SYT9: variants seen among roughly 807,000 people sequenced by gnomAD.
SYT9 encodes synaptotagmin 9, also known as synaptotagmin-9.
A neutral mutation model predicts 48.4 loss-of-function variants in SYT9; 22 were observed. The ratio of observed to expected loss-of-function variants is 0.45; its 90% CI spans 0.32 to 0.65. The LOEUF (loss-of-function observed/expected upper bound fraction) is 0.65, where lower values mean the gene tolerates loss of function less well. Among genes scored for constraint, SYT9 ranks in the 30% least tolerant of loss-of-function variants. SYT9 has a pLI of 0.03. For synonymous variants in SYT9, 265 were observed against 245.0 expected (o/e 1.08, Z -0.76); for missense variants, 577 against 622.0 (o/e 0.93, Z 0.77).
chr11:7,334,634 C>CTCGCTGCCACCCATCCCCACAA (rs760477407), intron 3 of SYT9, among the ~76,000 whole-genome samples: 3 of 139,936 alleles, frequency 2.1e-5, no homozygotes, highest in Non-Finnish European at 4.7e-5. Context: ...CCTGCCTCCA[C>CTCGCTGCCACCCATCCCCACAA]TCCCTGCCAC....
chr11:7,440,936 T>C (rs1240528196), intron 6 of SYT9: 2 of 152,176 alleles, frequency 1.3e-5, no homozygotes, highest in African/African-American at 4.8e-5. Flanking sequence ...TTGCTATGAA[T>C]GACATCCAGT....
chr11:7,313,973 G>A, intron 3 of SYT9, 32 bp downstream of exon 3: 1 of 1,586,754 alleles, frequency 6.3e-7, no homozygotes, highest in Non-Finnish European at 8.5e-7. Context: ...TTTTGTGGTG[G>A]GGGGCATCTT....
chr11:7,426,324 C>G (rs532974362), intron 6 of SYT9, among the ~76,000 whole-genome samples: 2 of 152,208 alleles, frequency 1.3e-5, no homozygotes, highest in South Asian at 4.1e-4. Flanking sequence ...ACTTGGCCAC[C>G]TTGAGGCTGA....
intron 6 of SYT9, among the ~76,000 whole-genome samples, chr11:7,442,946 T>C (rs1446179907): frequency 1.3e-5 from 2 of 151,620 alleles, no homozygotes; most frequent in African/African-American, 4.9e-5. Context: ...CTTCCAGGAG[T>C]ACACAGTCTA....
intron 3 of SYT9, among the ~76,000 whole-genome samples, chr11:7,399,653 T>A (rs1846841097): frequency 6.6e-6 from 1 of 152,228 alleles, no homozygotes; most frequent in East Asian, 1.9e-4. Flanking sequence ...ACTGTTTTGG[T>A]GTTATTGCCC....
At chr11:7,258,960 T>C (rs995992221) in intron 1 of SYT9, among the ~76,000 whole-genome samples, 1 of 152,096 alleles carries the variant, frequency 6.6e-6, no homozygotes, top group Non-Finnish European at 1.5e-5. Flanking sequence ...TTCTCATCAG[T>C]AAAATGTATT....
At position 7,324,562 on chromosome 11, in the gene SYT9, T is replaced by A. The variant is rs149683044; in HGVS notation, c.1044+10621T>A. Among the ~76,000 whole-genome samples the A allele has an allele frequency of 7.4e-3, 1,122 of 152,106 alleles. 16 individuals are homozygous for A. Among genetic ancestry groups the A allele is most frequent in the African/African-American group, 0.025 (1,033 of 41,566 alleles). ...ATTTCCCTTGAAGTAGTGCTTTAGCTTTATGTTTGCAAATTTTGATATTTA... is the reference window on the plus strand; with the variant it reads ...ATTTCCCTTGAAGTAGTGCTTTAGCATTATGTTTGCAAATTTTGATATTTA... On this transcript the variant is annotated intron_variant, in intron 3 of 6. Transcript: ENST00000318881.
chr11:7,465,413 C>CTAT (rs1435870228), intron 6 of SYT9, among the ~76,000 whole-genome samples: 2 of 152,216 alleles, frequency 1.3e-5, no homozygotes, highest in Non-Finnish European at 2.9e-5. Context: ...GGTTGCTACT[C>CTAT]TTTTATAGTT....
intron 6 of SYT9, among the ~76,000 whole-genome samples, chr11:7,452,078 T>A (rs544569639): frequency 2.6e-4 from 39 of 148,902 alleles, no homozygotes; most frequent in African/African-American, 9.8e-4. Context: ...GGTCACTAAG[T>A]AAGACAGAAC....
At chr11:7,364,144 G>T (rs1189520197) in intron 3 of SYT9, among the ~76,000 whole-genome samples, 2 of 152,116 alleles carry the variant, frequency 1.3e-5, no homozygotes, top group East Asian at 1.9e-4. Context: ...GTGGGGTGGG[G>T]TATTCATCCT....
chr11:7,395,275 A>G (rs72846030), intron 3 of SYT9, among the ~76,000 whole-genome samples: 10,112 of 152,202 alleles, frequency 0.066, 442 homozygotes, highest in Middle Eastern at 0.17. Flanking sequence ...CATGTGGTCA[A>G]TTTCAGATTA....
chr11:7,340,648 T>G (rs933624023), intron 3 of SYT9, among the ~76,000 whole-genome samples: 1 of 152,094 alleles, frequency 6.6e-6, no homozygotes, highest in Non-Finnish European at 1.5e-5. Context: ...GTGAGGTAGG[T>G]GTTCTGTACT....
chr11:7,350,919 C>G (rs1849902367), intron 3 of SYT9, among the ~76,000 whole-genome samples: 1 of 152,206 alleles, frequency 6.6e-6, no homozygotes, highest in South Asian at 2.1e-4. Context: ...GATCCCATTG[C>G]TCACTCTCAA....
chr11:7,367,072 C>CTTTTTTTTTTTTTTTTTTTT (rs35502843), intron 3 of SYT9, among the ~76,000 whole-genome samples: 1 of 53,266 alleles, frequency 1.9e-5, no homozygotes, highest in Non-Finnish European at 3.6e-5. Flanking sequence ...AGGAGACCAT[C>CTTTTTTTTTTTTTTTTTTTT]TTTTTTTTTT....
chr11:7,295,561 G>A (rs1309964847), intron 1 of SYT9, among the ~76,000 whole-genome samples: 1 of 152,166 alleles, frequency 6.6e-6, no homozygotes, highest in Non-Finnish European at 1.5e-5. Context: ...TTCTGAGCCT[G>A]CACCAGAATT....
intron 3 of SYT9, among the ~76,000 whole-genome samples, chr11:7,320,794 G>A (rs752819018): frequency 6.6e-6 from 1 of 152,194 alleles, no homozygotes; most frequent in Non-Finnish European, 1.5e-5. Flanking sequence ...AAATGATGGT[G>A]TAATTAAACC....
chr11:7,459,935 G>A (rs1168870226), intron 6 of SYT9, among the ~76,000 whole-genome samples: 1 of 152,130 alleles, frequency 6.6e-6, no homozygotes, highest in East Asian at 1.9e-4. Flanking sequence ...CAGACTTCTA[G>A]CCTCTAGAAC....
At chr11:7,276,094 G>T (rs1478470883) in intron 1 of SYT9, among the ~76,000 whole-genome samples, 1 of 152,048 alleles carries the variant, frequency 6.6e-6, no homozygotes. Flanking sequence ...ACTGATTTCT[G>T]TATGTTTTAT....
At chr11:7,300,284 T>G (rs1451640018) in intron 1 of SYT9, among the ~76,000 whole-genome samples, 1 of 152,226 alleles carries the variant, frequency 6.6e-6, no homozygotes, top group Non-Finnish European at 1.5e-5. Context: ...ATGCCACAAG[T>G]CTTCTCATTA....
Sources: gnomAD v4.1 joint callset for allele counts (sites outside exome capture counted in the v4.1 genomes callset) on GRCh38, gnomAD v4.1.1 for gene constraint, MANE v1.5 for transcripts, NCBI Gene and HGNC (gene_info 2026-07-23, HGNC 2026-07-21) for gene names.